Variants in LUC7L observed in about 807,000 individuals in gnomAD.
The protein encoded by LUC7L is putative RNA-binding protein Luc7-like 1.
A neutral mutation model predicts 51.1 loss-of-function variants in LUC7L; 29 were observed. That is an observed-to-expected ratio of 0.57 (90% confidence interval 0.42 to 0.77). The LOEUF is 0.77. LUC7L is among the 30% of genes least tolerant of loss of function. The pLI is 0.00. For synonymous variants in LUC7L, 181 were observed against 180.7 expected (o/e 1.00, Z -0.01); for missense variants, 403 against 511.9 (o/e 0.79, Z 2.05).
chr16:227,591 G>C, intron 1 of LUC7L: 1 of 1,299,762 alleles, frequency 7.7e-7, no homozygotes, highest in East Asian at 3.3e-5. Flanking sequence ...CAAGGAGTCA[G>C]ACGTAAACAG....
rs567918048 is a variant in LUC7L, at chr16:196,370, T to G, written c.687+2692A>C. On this transcript the variant is annotated intron_variant, in intron 6 of 9. Transcript: ENST00000293872. The stretch of plus-strand genomic sequence containing the variant: ...TTACAGTGAGCTGAGTTCGTTACAC[T>G]GCACTCCAGCCTGGGTGACAGAGCA... Among the ~76,000 whole-genome samples, 6 of 151,850 alleles carry G rather than the reference T, an allele frequency of 4.0e-5. No homozygotes were observed. In the South Asian group the frequency reaches 1.3e-3, roughly 32 times the overall value.
intron 2 of LUC7L, among the ~76,000 whole-genome samples, chr16:225,614 G>T (rs1376351086): frequency 1.3e-5 from 2 of 149,646 alleles, no homozygotes; most frequent in African/African-American, 4.9e-5. Flanking sequence ...AGTCTCCTGA[G>T]TAGCTGGGAT....
chr16:190,062 G>A lies in LUC7L; in HGVS notation c.880C>T (p.Arg294Trp), dbSNP rs759565079. The part of the protein sequence containing the change: ...SRERRKLSRS[R>W]SRDRHRRHRS... Reference sequence around the variant, plus strand: ...TGGCGCCGATGTCTATCTCGGGACCGGGACCGGGACAATTTCCGTCGCTCT... The same window carrying A: ...TGGCGCCGATGTCTATCTCGGGACCAGGACCGGGACAATTTCCGTCGCTCT... The change falls in exon 9 of 10, where the codon CGG becomes TGG. Residue 294 changes from arginine to tryptophan, a missense_variant. Around this residue, in one of 3 missense-constraint regions of LUC7L, gnomAD observed 206 missense variants for 218.3 expected, o/e 0.94. Transcript: ENST00000293872. 3.5e-5 allele frequency: 56 copies of A among 1,613,520 alleles called. No individual in the cohort carries two copies. The highest frequency in any genetic ancestry group is 1.0e-4 in the Admixed American group (6 of 59,972).
chr16:202,052 A>T (rs1596622357), intron 5 of LUC7L, among the ~76,000 whole-genome samples: 1 of 151,602 alleles, frequency 6.6e-6, no homozygotes, highest in African/African-American at 2.4e-5. Flanking sequence ...CCATATTTTT[A>T]ATTTCTTTGT....
At position 189,879 on chromosome 16, in the gene LUC7L, C is replaced by T. The variant is rs555373738; in HGVS notation, c.974+89G>A. ...CTCCTGAGGGTGAGCCCAGCCCCAT[C>T]CCCACCAGACACGGCCCTCAGCAGA... On this transcript the variant is annotated intron_variant, in intron 9 of 9. Coordinates refer to ENST00000293872, the MANE Select transcript of LUC7L (RefSeq NM_201412.3). 4.6e-6 allele frequency: 7 copies of T among 1,535,704 alleles called. No homozygotes were observed. In the East Asian group the frequency reaches 1.6e-4, roughly 35 times the overall value.
At chr16:225,851 T>C (rs1596691677) in intron 2 of LUC7L, among the ~76,000 whole-genome samples, 1 of 152,084 alleles carries the variant, frequency 6.6e-6, no homozygotes, top group Non-Finnish European at 1.5e-5. Context: ...ACTCAGATTA[T>C]TTTTCTCACC....
At position 213,625 on chromosome 16, in the gene LUC7L, G is replaced by A. The variant is rs1277472850; in HGVS notation, c.256-5437C>T. Among the ~76,000 whole-genome samples the A allele has an allele frequency of 2.0e-5, 3 of 151,908 alleles. No homozygotes were observed. The South Asian group carries it at 6.2e-4, about 32-fold the overall frequency. ...TCACCATGTTGGTCAGACTGGTCTC[G>A]AACTCCTGACCTCATGCAATCCGTC... On this transcript the variant is annotated intron_variant, in intron 3 of 9. Transcript: ENST00000293872.
At chr16:198,011 G>C (rs971682271) in intron 6 of LUC7L, among the ~76,000 whole-genome samples, 5 of 152,220 alleles carry the variant, frequency 3.3e-5, no homozygotes, top group African/African-American at 1.2e-4. Flanking sequence ...GCTCACGCCT[G>C]TGGTCCCAGC....
At chr16:221,775 C>T (rs138311222) in intron 2 of LUC7L, among the ~76,000 whole-genome samples, 42 of 152,180 alleles carry the variant, frequency 2.8e-4, no homozygotes, top group African/African-American at 1.0e-3. Context: ...CATTGTCTTG[C>T]AATCTTGACT....
chr16:202,960 C>T (rs762961761), intron 5 of LUC7L, among the ~76,000 whole-genome samples: 6 of 152,096 alleles, frequency 3.9e-5, no homozygotes, highest in South Asian at 2.1e-4. Context: ...CCAGCCTGAC[C>T]GACATGGTGA....
chr16:213,445 G>A (rs2049700626), intron 3 of LUC7L, among the ~76,000 whole-genome samples: 2 of 152,114 alleles, frequency 1.3e-5, no homozygotes, highest in African/African-American at 4.8e-5. Context: ...TGTCACCCAG[G>A]CTGGAGTGTA....
At chr16:227,623 G>T in intron 1 of LUC7L, 1 of 1,222,606 alleles carries the variant, frequency 8.2e-7, no homozygotes, top group Non-Finnish European at 1.0e-6. Context: ...AAGGCCATTG[G>T]CTCCACATAT....
chr16:208,379 G>T, intron 3 of LUC7L, 191 bp from the exon 4 acceptor site: 1 of 508,002 alleles, frequency 2.0e-6, no homozygotes, highest in Non-Finnish European at 3.4e-6. Flanking sequence ...CTGTTAAACA[G>T]AATGATTGTT....
At chr16:204,318 C>T (rs1227829331) in intron 5 of LUC7L, among the ~76,000 whole-genome samples, 2 of 150,810 alleles carry the variant, frequency 1.3e-5, no homozygotes, top group Admixed American at 6.6e-5. Flanking sequence ...AGCCATGGGC[C>T]GAGCATGGTG....
At chr16:203,383 A>G (rs1459432986) in intron 5 of LUC7L, among the ~76,000 whole-genome samples, 2 of 152,134 alleles carry the variant, frequency 1.3e-5, no homozygotes, top group South Asian at 2.1e-4. Flanking sequence ...CTATGGGGAC[A>G]TTACCATAAT....
At chr16:193,786 C>T (rs962836631) in intron 6 of LUC7L, among the ~76,000 whole-genome samples, 1 of 151,692 alleles carries the variant, frequency 6.6e-6, no homozygotes, top group East Asian at 1.9e-4. Flanking sequence ...AGGCACTGCA[C>T]CCGGCCTCGT....
At position 194,049 on chromosome 16, in the gene LUC7L, C is replaced by T. The variant is rs555166391; in HGVS notation, c.688-1034G>A. On this transcript the variant is annotated intron_variant, in intron 6 of 9. Transcript: ENST00000293872. ...CGATCTCCTGACCTCACGATCCGCC[C>T]GCCTCGGCCTCCCACAGTGCTGGGA... Among the ~76,000 whole-genome samples the T allele has an allele frequency of 2.6e-4, 39 of 150,704 alleles. No homozygotes were observed. In the South Asian group the frequency reaches 3.8e-3, roughly 15 times the overall value.
chr16:207,731 C>T (rs942470996), intron 4 of LUC7L, among the ~76,000 whole-genome samples: 11 of 152,114 alleles, frequency 7.2e-5, no homozygotes, highest in Non-Finnish European at 1.3e-4. Context: ...TTGACAACGC[C>T]GGGCGCGGTG....
chr16:220,962 G>A (rs1006079507), intron 2 of LUC7L, among the ~76,000 whole-genome samples: 3 of 152,172 alleles, frequency 2.0e-5, no homozygotes, highest in African/African-American at 7.2e-5. Flanking sequence ...GCATTTAATA[G>A]TGTAAAGTTT....
Sources: allele counts gnomAD v4.1 joint callset (sites outside exome capture counted in the v4.1 genomes callset), GRCh38; gene constraint gnomAD v4.1.1; regional missense constraint gnomAD v4.1.1; transcripts MANE v1.5; gene names NCBI Gene and HGNC (gene_info 2026-07-23, HGNC 2026-07-21).